Variants in FRMD3 observed in about 807,000 individuals in gnomAD.
FRMD3 encodes the protein FERM domain containing 3.
In FRMD3, 33 loss-of-function variants were observed where a neutral mutation model predicts 70.2. The observed-to-expected ratio is 0.47, with a 90% confidence interval of 0.36 to 0.63. The LOEUF (loss-of-function observed/expected upper bound fraction) is 0.63. Among genes scored for constraint, FRMD3 ranks in the 20% least tolerant of loss-of-function variants. The pLI is 0.00. For synonymous variants in FRMD3, 279 were observed against 255.9 expected, an observed-to-expected ratio of 1.09 and a Z score of -0.86; for missense variants, 632 against 711.4, an observed-to-expected ratio of 0.89 and a Z score of 1.27.
chr9:83,538,596 A>T (rs1180300803), upstream of FRMD3: 2 of 173,828 alleles, frequency 1.2e-5, no homozygotes, highest in African/African-American at 4.7e-5. The surrounding 1 kb of genome is among the most constrained non-coding windows in gnomAD (Gnocchi z 4.7). Flanking sequence ...AGGCGGAGGG[A>T]TGGCTGGCGC....
chr9:83,557,066 GC>G, the FRMD3 span, among the ~76,000 whole-genome samples: 1 of 152,016 alleles, frequency 6.6e-6, no homozygotes, highest in South Asian at 2.1e-4. Context: ...TTTATGAAAA[GC>G]TTTTAAATTA....
chr9:83,525,675 G>T (rs373738671), intron 1 of FRMD3, among the ~76,000 whole-genome samples: 1 of 152,150 alleles, frequency 6.6e-6, no homozygotes, highest in Non-Finnish European at 1.5e-5. Flanking sequence ...ACTGAAAGAG[G>T]TCTTTTTCAT....
chr9:83,247,391 T>C lies in FRMD3; in HGVS notation c.*527A>G, dbSNP rs540500619. ...AATAACTCCAGGAGGCTTCTTTTTT[T>C]TTTTTGCTAAAAATTTACCAAAATA... On this transcript the variant is annotated 3_prime_UTR_variant, in exon 14 of 14. Transcript: ENST00000304195. 93 of 982,658 alleles carry C rather than the reference T, an allele frequency of 9.5e-5. No homozygotes were observed. Among genetic ancestry groups the C allele is most frequent in the Non-Finnish European group, 1.1e-4 (91 of 827,566 alleles). 60.9% of individuals were successfully genotyped at this position (982,658 alleles called of 1,614,324 possible). A position where few individuals can be genotyped will look rare whatever the true frequency, so the allele number is the denominator to read the frequency against.
At chr9:83,361,197 T>C (rs143244859) in intron 3 of FRMD3, among the ~76,000 whole-genome samples, 1 of 152,366 alleles carries the variant, frequency 6.6e-6, no homozygotes, top group East Asian at 1.9e-4. Flanking sequence ...TTGATTTATG[T>C]AATGAGCTGT....
In FRMD3 at chr9:83,403,278, A is replaced by C. The variant is rs1206354492; in HGVS notation, c.148-13570T>G. Among the ~76,000 whole-genome samples the C allele has an allele frequency of 2.6e-5, 4 of 151,972 alleles. No individual in the cohort carries two copies. The East Asian group carries it at 7.7e-4, about 29-fold the overall frequency. ...ATAAGGCACTATCTTTTCTCTCCACATCCCTAACTTCCCTAATGGTAGCAT... is the reference window on the plus strand; with the variant it reads ...ATAAGGCACTATCTTTTCTCTCCACCTCCCTAACTTCCCTAATGGTAGCAT... On this transcript the variant is annotated intron_variant, in intron 1 of 13. Coordinates refer to ENST00000304195, the MANE Select transcript of FRMD3 (RefSeq NM_174938.6).
In FRMD3 at chr9:83,479,289, G is replaced by T. The variant is rs1828472497; in HGVS notation, c.147+58796C>A. 1.4e-5 allele frequency among the ~76,000 whole-genome samples: 2 copies of T among 145,026 alleles called. 1 individual carries two copies. The highest frequency in any genetic ancestry group is 4.4e-4 in the South Asian group (2 of 4,498). ...ACAAAGTGAGACTGTGTCTCTAAAA[G>T]AAGAAGAAGAAGAAGGAGAAGGAGA... On this transcript the variant is annotated intron_variant, in intron 1 of 13. Coordinates refer to ENST00000304195, the MANE Select transcript of FRMD3 (RefSeq NM_174938.6).
chr9:83,429,851 T>C (rs900808581), intron 1 of FRMD3, among the ~76,000 whole-genome samples: 1 of 152,114 alleles, frequency 6.6e-6, no homozygotes, highest in African/African-American at 2.4e-5. Flanking sequence ...AACTCTGACC[T>C]CTATGCAGAG....
the FRMD3 span, among the ~76,000 whole-genome samples, chr9:83,546,880 G>A: frequency 4.9e-3 from 68 of 13,742 alleles, no homozygotes; most frequent in African/African-American, 0.013. Context: ...GACAGAGTGA[G>A]ACTCTGTCTC....
chr9:83,376,408 A>G (rs1825147868), intron 2 of FRMD3, among the ~76,000 whole-genome samples: 1 of 152,198 alleles, frequency 6.6e-6, no homozygotes, highest in African/African-American at 2.4e-5. Flanking sequence ...GGAGATCTTT[A>G]TGTGTAACAT....
At chr9:83,547,122 A>G in the FRMD3 span, among the ~76,000 whole-genome samples, 1 of 150,822 alleles carries the variant, frequency 6.6e-6, no homozygotes, top group African/African-American at 2.4e-5. Flanking sequence ...GTTCATTATT[A>G]TAGAATCAAG....
In FRMD3 at chr9:83,479,032, G is replaced by A. The variant is rs142705967; in HGVS notation, c.147+59053C>T. On this transcript the variant is annotated intron_variant, in intron 1 of 13. Transcript: ENST00000304195. ...TTGAATAAAAGAATGAATAAACTAA[G>A]ATTATTTAAAAATTATATAAAAAAC... Among the ~76,000 whole-genome samples the A allele has an allele frequency of 2.1e-3, 313 of 152,056 alleles. 3 individuals are homozygous for A. The highest frequency in any genetic ancestry group is 7.4e-3 in the African/African-American group (309 of 41,498).
chr9:83,573,997 T>A, the FRMD3 span, among the ~76,000 whole-genome samples: 1 of 152,182 alleles, frequency 6.6e-6, no homozygotes, highest in Non-Finnish European at 1.5e-5. Flanking sequence ...ATAGCAAGGC[T>A]ATTACCCCAA....
chr9:83,576,944 C>G, the FRMD3 span, among the ~76,000 whole-genome samples: 1 of 152,046 alleles, frequency 6.6e-6, no homozygotes, highest in South Asian at 2.1e-4. Flanking sequence ...TTGTATTTCT[C>G]TATGCTAGGA....
intron 1 of FRMD3, among the ~76,000 whole-genome samples, chr9:83,428,234 T>A (rs540526028): frequency 2.0e-5 from 3 of 152,010 alleles, no homozygotes; most frequent in African/African-American, 7.2e-5. Context: ...AAAAATTAGC[T>A]GGGCATGGTG....
At chr9:83,514,712 G>C (rs542507071) in intron 1 of FRMD3, among the ~76,000 whole-genome samples, 1 of 152,156 alleles carries the variant, frequency 6.6e-6, no homozygotes, top group South Asian at 2.1e-4. Flanking sequence ...ATACAGGAGC[G>C]CTCTGGCTGG....
intron 1 of FRMD3, among the ~76,000 whole-genome samples, chr9:83,459,530 T>C (rs1185011744): frequency 6.6e-6 from 1 of 152,230 alleles, no homozygotes; most frequent in Non-Finnish European, 1.5e-5. Context: ...CAGAGGCTAC[T>C]GAGAGATGCC....
chr9:83,265,516 AT>A, intron 13 of FRMD3, among the ~76,000 whole-genome samples: 1 of 152,246 alleles, frequency 6.6e-6, no homozygotes, highest in East Asian at 1.9e-4. Flanking sequence ...AAGGATTAAT[AT>A]TCACATTATA....
chr9:83,452,848 C>CTTTTTTTTTTT (rs11346596), intron 1 of FRMD3, among the ~76,000 whole-genome samples: 2 of 72,362 alleles, frequency 2.8e-5, no homozygotes, highest in East Asian at 4.3e-4. Context: ...TTTTTATTGC[C>CTTTTTTTTTTT]TTTTTTTTTT....
intron 1 of FRMD3, among the ~76,000 whole-genome samples, chr9:83,444,349 T>G (rs1163639870): frequency 6.6e-6 from 1 of 152,236 alleles, no homozygotes; most frequent in Non-Finnish European, 1.5e-5. Context: ...TCTGGCTTGG[T>G]TCCCACATCC....
Sources: gnomAD v4.1 joint callset for allele counts (sites outside exome capture counted in the v4.1 genomes callset) on GRCh38, gnomAD v4.1.1 for gene constraint, Gnocchi (gnomAD v3.1) non-coding constraint, MANE v1.5 for transcripts, NCBI Gene and HGNC (gene_info 2026-07-23, HGNC 2026-07-21) for gene names.